The following NCOA2 variants were observed in gnomAD, a reference collection of about 807,000 sequenced individuals.
The protein encoded by NCOA2 is nuclear receptor coactivator 2, also known as class E basic helix-loop-helix protein 75.
Under a neutral mutation model 145.1 loss-of-function variants are expected in NCOA2, and 21 were observed. That is an observed-to-expected ratio of 0.14 (90% CI 0.10 to 0.21). NCOA2 has a LOEUF of 0.21. Ranked by LOEUF, NCOA2 falls within the 10% of genes least tolerant of loss-of-function variation. NCOA2 has a pLI of 1.00. For missense variants in NCOA2, 1,472 were observed against 1,837.6 expected (o/e 0.80, Z 3.64); for synonymous variants, 619 against 637.5 (o/e 0.97, Z 0.44).
intron 4 of NCOA2, among the ~76,000 whole-genome samples, chr8:70,199,984 C>G (rs1323053285): frequency 6.6e-6 from 1 of 152,158 alleles, no homozygotes; most frequent in African/African-American, 2.4e-5. Flanking sequence ...TGGTCTGTAC[C>G]AAACATGAAC....
intron 14 of NCOA2, among the ~76,000 whole-genome samples, chr8:70,139,844 G>A (rs926973771): frequency 6.6e-6 from 1 of 151,672 alleles, no homozygotes; most frequent in Non-Finnish European, 1.5e-5. Context: ...GCAGAGACCG[G>A]GTTTCACCAT....
chr8:70,254,142 T>C (rs1823431144), intron 2 of NCOA2, among the ~76,000 whole-genome samples: 1 of 152,170 alleles, frequency 6.6e-6, no homozygotes, highest in African/African-American at 2.4e-5. Context: ...CATGGAAATA[T>C]GCTCAACATC....
At chr8:70,354,280 C>CA (rs1425193511) in intron 1 of NCOA2, among the ~76,000 whole-genome samples, 36 of 152,090 alleles carry the variant, frequency 2.4e-4, no homozygotes, top group African/African-American at 7.2e-4. Flanking sequence ...TTTGAAATAC[C>CA]AAATCATAAA....
At chr8:70,363,079 T>TAAAA (rs777122942) in intron 1 of NCOA2, among the ~76,000 whole-genome samples, 1 of 99,792 alleles carries the variant, frequency 1.0e-5, no homozygotes, top group Non-Finnish European at 2.0e-5. Flanking sequence ...ACTCTGTCTT[T>TAAAA]AAAAAAAAAA....
chr8:70,186,165 A>G (rs1392113945), intron 4 of NCOA2, among the ~76,000 whole-genome samples: 2 of 152,162 alleles, frequency 1.3e-5, no homozygotes, highest in Non-Finnish European at 2.9e-5. Flanking sequence ...AGGATGGTGT[A>G]AAAAGTTTAT....
At chr8:70,350,267 G>A (rs1416112369) in intron 1 of NCOA2, among the ~76,000 whole-genome samples, 1 of 151,982 alleles carries the variant, frequency 6.6e-6, no homozygotes, top group African/African-American at 2.4e-5. Context: ...CTAAATTCAA[G>A]ACTCCTCAGT....
chr8:70,428,728 T>A, the NCOA2 span, among the ~76,000 whole-genome samples: 1 of 152,236 alleles, frequency 6.6e-6, no homozygotes, highest in Non-Finnish European at 1.5e-5. Context: ...CTGTCAATGA[T>A]GACAGGAGAC....
chr8:70,141,836 G>A (rs1012628748), intron 13 of NCOA2, among the ~76,000 whole-genome samples: 9 of 152,192 alleles, frequency 5.9e-5, no homozygotes, highest in Admixed American at 3.3e-4. Flanking sequence ...ATATCTTGAA[G>A]TCTATATGAG....
At chr8:70,263,935 A>C (rs1163381117) in intron 2 of NCOA2, among the ~76,000 whole-genome samples, 3 of 152,202 alleles carry the variant, frequency 2.0e-5, no homozygotes, top group Non-Finnish European at 4.4e-5. Flanking sequence ...ACAGTGGGCC[A>C]GGCGTGGTGG....
chr8:70,450,741 G>A, the NCOA2 span, among the ~76,000 whole-genome samples: 2 of 150,964 alleles, frequency 1.3e-5, no homozygotes, highest in African/African-American at 2.4e-5. Flanking sequence ...TACCACTCCT[G>A]GGTACTTTTT....
At chr8:70,290,006 A>AC (rs942246529) in intron 2 of NCOA2, among the ~76,000 whole-genome samples, 4 of 151,934 alleles carry the variant, frequency 2.6e-5, no homozygotes, top group African/African-American at 9.7e-5. Context: ...GCTAAATGCT[A>AC]CCCCTACGTA....
chr8:70,417,552 AAAACAAACAAAC>A, the NCOA2 span, among the ~76,000 whole-genome samples: 74 of 151,118 alleles, frequency 4.9e-4, no homozygotes, highest in African/African-American at 1.1e-3. Flanking sequence ...TCTGTCTCAA[AAAACAAACAAAC>A]AAACAAACAA....
chr8:70,153,005 G>A (rs770462847), intron 11 of NCOA2, among the ~76,000 whole-genome samples: 4 of 152,186 alleles, frequency 2.6e-5, no homozygotes, highest in Non-Finnish European at 5.9e-5. Context: ...AAACAGTGAA[G>A]GTGAGCAAGA....
chr8:70,277,616 A>C (rs2135414612), intron 2 of NCOA2, among the ~76,000 whole-genome samples: 1 of 152,314 alleles, frequency 6.6e-6, no homozygotes, highest in East Asian at 1.9e-4. Flanking sequence ...AGTAAAAAAA[A>C]ATTACTTCTA....
intron 2 of NCOA2, among the ~76,000 whole-genome samples, chr8:70,225,614 G>C (rs1820563891): frequency 6.6e-6 from 1 of 151,880 alleles, no homozygotes; most frequent in Non-Finnish European, 1.5e-5. Context: ...AAACAAGGCA[G>C]TAAGATTAAG....
At chr8:70,386,643 A>G (rs149666057) in intron 1 of NCOA2, among the ~76,000 whole-genome samples, 1 of 152,220 alleles carries the variant, frequency 6.6e-6, no homozygotes, top group Non-Finnish European at 1.5e-5. Flanking sequence ...GTAAAGAAAA[A>G]TTTTTAAAAA....
At chr8:70,350,506 T>C (rs1304611367) in intron 1 of NCOA2, among the ~76,000 whole-genome samples, 2 of 152,230 alleles carry the variant, frequency 1.3e-5, no homozygotes, top group East Asian at 3.8e-4. Flanking sequence ...AATACACTTT[T>C]TCCTCTAAAG....
At chr8:70,255,122 T>C (rs1226404899) in intron 2 of NCOA2, among the ~76,000 whole-genome samples, 1 of 152,172 alleles carries the variant, frequency 6.6e-6, no homozygotes, top group Non-Finnish European at 1.5e-5. Context: ...AGAAGCCAAG[T>C]GGCAACAGAC....
chr8:70,370,353 T>C (rs916030601), intron 1 of NCOA2, among the ~76,000 whole-genome samples: 1 of 152,212 alleles, frequency 6.6e-6, no homozygotes, highest in Non-Finnish European at 1.5e-5. Context: ...GTAACAATCA[T>C]GAAATAAAAA....
Sources: gnomAD v4.1 joint callset for allele counts (sites outside exome capture counted in the v4.1 genomes callset) on GRCh38, gnomAD v4.1.1 for gene constraint, MANE v1.5 for transcripts, NCBI Gene and HGNC (gene_info 2026-07-23, HGNC 2026-07-21) for gene names.